The following CCBE1 variants were observed in gnomAD, a reference collection of about 807,000 sequenced individuals.
CCBE1 encodes the protein collagen and calcium binding EGF domains 1, also known as collagen and calcium-binding EGF domain-containing protein 1.
A neutral mutation model predicts 50.0 loss-of-function variants in CCBE1; 37 were observed. The observed-to-expected ratio is 0.74, with a 90% CI of 0.57 to 0.97. CCBE1 has a LOEUF of 0.97. Ranked by LOEUF, CCBE1 falls within the 50% of genes least tolerant of loss-of-function variation. The pLI is 0.00. For synonymous variants in CCBE1, 234 were observed against 203.7 expected (o/e 1.15, Z -1.27); for missense variants, 538 against 523.8 (o/e 1.03, Z -0.26).
chr18:59,674,070 C>A (rs555854938), intron 2 of CCBE1, among the ~76,000 whole-genome samples: 1 of 152,230 alleles, frequency 6.6e-6, no homozygotes, highest in Non-Finnish European at 1.5e-5. Flanking sequence ...TCCGTCTGGT[C>A]CCAGGCTCTT....
At chr18:59,518,046 C>A (rs1816220312) in intron 2 of CCBE1, among the ~76,000 whole-genome samples, 1 of 147,960 alleles carries the variant, frequency 6.8e-6, no homozygotes, top group Admixed American at 6.6e-5. Context: ...CATTCCTAGG[C>A]CCTTGGTGAG....
At chr18:59,549,215 A>C (rs1009486231) in intron 2 of CCBE1, among the ~76,000 whole-genome samples, 8 of 152,198 alleles carry the variant, frequency 5.3e-5, no homozygotes, top group African/African-American at 1.9e-4. Flanking sequence ...CCACACTGCA[A>C]AATAGCAAGG....
intron 2 of CCBE1, among the ~76,000 whole-genome samples, chr18:59,601,559 T>C (rs1167130403): frequency 6.6e-6 from 1 of 152,194 alleles, no homozygotes; most frequent in African/African-American, 2.4e-5. Context: ...TATGTCTTTA[T>C]TAGCAGCATT....
chr18:59,567,587 C>T (rs553849793), intron 2 of CCBE1, among the ~76,000 whole-genome samples: 4 of 152,234 alleles, frequency 2.6e-5, no homozygotes, highest in Admixed American at 2.0e-4. Flanking sequence ...CACGCTGCAA[C>T]CCAAGTGGAT....
intron 5 of CCBE1, among the ~76,000 whole-genome samples, chr18:59,463,426 G>A (rs564387157): frequency 1.2e-4 from 18 of 152,290 alleles, no homozygotes; most frequent in Middle Eastern, 3.4e-3. Context: ...TACAGCCACC[G>A]CCAGGGCACC....
intron 9 of CCBE1, among the ~76,000 whole-genome samples, chr18:59,439,292 GAAAA>G: frequency 6.7e-6 from 1 of 148,454 alleles, no homozygotes; most frequent in East Asian, 2.0e-4. Context: ...GTCTCAAAAA[GAAAA>G]AAAAAGAAAA....
At chr18:59,477,242 G>A (rs908552622) in intron 3 of CCBE1, among the ~76,000 whole-genome samples, 1 of 152,186 alleles carries the variant, frequency 6.6e-6, no homozygotes, top group Non-Finnish European at 1.5e-5. Flanking sequence ...AAACACCTTA[G>A]GTGGTCCCTT....
chr18:59,546,406 G>A (rs1915684143), intron 2 of CCBE1, among the ~76,000 whole-genome samples: 2 of 152,182 alleles, frequency 1.3e-5, no homozygotes, highest in Admixed American at 1.3e-4. Context: ...GGTCAACAGT[G>A]AATTAGTCAT....
chr18:59,517,785 G>A (rs957761464), intron 2 of CCBE1, among the ~76,000 whole-genome samples: 4 of 152,186 alleles, frequency 2.6e-5, no homozygotes, highest in Non-Finnish European at 4.4e-5. Flanking sequence ...GGCTGGAAGG[G>A]GGTTCAGAGC....
intron 2 of CCBE1, among the ~76,000 whole-genome samples, chr18:59,650,087 A>T (rs570979943): frequency 6.6e-6 from 1 of 152,224 alleles, no homozygotes; most frequent in Admixed American, 6.5e-5. Context: ...CTTGGTTCCC[A>T]GCTTCAAGGC....
chr18:59,658,557 G>A (rs1252154914), intron 2 of CCBE1, among the ~76,000 whole-genome samples: 2 of 145,608 alleles, frequency 1.4e-5, no homozygotes, highest in Non-Finnish European at 3.0e-5. Flanking sequence ...GACCGAGCAA[G>A]GCCCTACCTC....
At position 59,433,416 on chromosome 18, in the gene CCBE1, G is replaced by C. The variant is rs1374325659; in HGVS notation, c.*2492C>G. Reference sequence around the variant, plus strand: ...TTAGTGGAGAGTCACCAGGAATTTTGCATAAATGAGACATAGAGGAGCAAA... The same window carrying C: ...TTAGTGGAGAGTCACCAGGAATTTTCCATAAATGAGACATAGAGGAGCAAA... On this transcript the variant is annotated 3_prime_UTR_variant, in exon 11 of 11. Coordinates refer to ENST00000439986, the MANE Select transcript of CCBE1 (RefSeq NM_133459.4). The C allele has an allele frequency of 6.6e-6, 1 of 151,792 alleles. No individual in the cohort carries two copies. Among genetic ancestry groups the C allele is most frequent in the Non-Finnish European group, 1.5e-5 (1 of 67,974 alleles). 9.4% of individuals were successfully genotyped at this position (151,792 alleles called of 1,614,324 possible).
At chr18:59,485,639 A>C (rs639873) in intron 2 of CCBE1, among the ~76,000 whole-genome samples, 54,518 of 145,948 alleles carry the variant, frequency 0.37, 10,131 homozygotes, top group East Asian at 0.56. Context: ...GAGATGGAGC[A>C]TTGCTCTGTT....
At chr18:59,482,491 C>T (rs1448558386) in intron 2 of CCBE1, among the ~76,000 whole-genome samples, 1 of 152,194 alleles carries the variant, frequency 6.6e-6, no homozygotes, top group African/African-American at 2.4e-5. Flanking sequence ...AAGATACAGG[C>T]ACACATAGGT....
chr18:59,558,891 G>A (rs1354113235), intron 2 of CCBE1, among the ~76,000 whole-genome samples: 5 of 152,234 alleles, frequency 3.3e-5, no homozygotes, highest in Admixed American at 1.3e-4. Context: ...TGAGAAAGCT[G>A]TTGAAGAGAG....
chr18:59,697,211 C>A lies in CCBE1; in HGVS notation c.131+1G>T. ...CCTCCGCTGGGGCTTGCAGCGCTTA[C>A]CTGTCGCCGTCCTCCGGCTCCTCTC... On this transcript the variant is annotated splice_donor_variant, in intron 1 of 10. Coordinates refer to ENST00000439986, the MANE Select transcript of CCBE1 (RefSeq NM_133459.4). LOFTEE classifies it high-confidence loss of function. 1.9e-6 allele frequency: 3 copies of A among 1,548,674 alleles called. No individual in the cohort carries two copies. Among genetic ancestry groups the A allele is most frequent in the Non-Finnish European group, 2.6e-6 (3 of 1,146,704 alleles).
At chr18:59,507,918 A>G (rs8090041) in intron 2 of CCBE1, among the ~76,000 whole-genome samples, 50,476 of 147,184 alleles carry the variant, frequency 0.34, 9,147 homozygotes, top group East Asian at 0.5. Flanking sequence ...TTGAGATGGC[A>G]TCTCCCTCTG....
At chr18:59,533,353 G>GT (rs1489145085) in intron 2 of CCBE1, among the ~76,000 whole-genome samples, 2 of 152,104 alleles carry the variant, frequency 1.3e-5, no homozygotes, top group African/African-American at 4.8e-5. Flanking sequence ...TTAAGCCAAG[G>GT]TAAACTTTGT....
chr18:59,617,595 C>T (rs1335176802), intron 2 of CCBE1, among the ~76,000 whole-genome samples: 3 of 152,228 alleles, frequency 2.0e-5, no homozygotes, highest in African/African-American at 7.2e-5. Context: ...GAGACAAACA[C>T]TGCTTGGGGC....
Sources: allele counts gnomAD v4.1 joint callset (sites outside exome capture counted in the v4.1 genomes callset), GRCh38; gene constraint gnomAD v4.1.1; transcripts MANE v1.5; gene names NCBI Gene and HGNC (gene_info 2026-07-23, HGNC 2026-07-21).